The following SIPA1L1 variants were observed in gnomAD, a reference collection of about 807,000 sequenced individuals.
SIPA1L1 encodes the protein signal induced proliferation associated 1 like 1, also known as signal-induced proliferation-associated 1-like protein 1.
SIPA1L1 carries 26 observed loss-of-function variants against 162.7 expected under a neutral mutation model. That is an observed-to-expected ratio of 0.16 (90% CI 0.12 to 0.22). The LOEUF (loss-of-function observed/expected upper bound fraction) is 0.22, where lower values mean the gene tolerates loss of function less well. SIPA1L1 is among the 10% of genes least tolerant of loss of function. The probability of loss-of-function intolerance (pLI) is 1.00; values close to 1 mark genes in which losing one functional copy is unlikely to be tolerated. For synonymous variants in SIPA1L1, 829 were observed against 837.4 expected, an observed-to-expected ratio of 0.99 and a Z score of 0.17; for missense variants, 1,874 against 2,241.0, an observed-to-expected ratio of 0.84 and a Z score of 3.31.
chr14:71,705,355 A>C lies in SIPA1L1; in HGVS notation c.3765+15A>C. On this transcript the variant is annotated intron_variant, in intron 16 of 23. Transcript: ENST00000381232. ...AACAAGGGCATGTAAGTTAACTGTA[A>C]ACTTAAAAAAGTATTAGATTCCTAG... is the stretch of plus-strand genomic sequence containing the variant. 2 of 1,571,402 alleles carry C rather than the reference A, an allele frequency of 1.3e-6. No homozygotes were observed. The highest frequency in any genetic ancestry group is 1.8e-6 in the Non-Finnish European group (2 of 1,141,168).
intron 8 of SIPA1L1, among the ~76,000 whole-genome samples, chr14:71,655,244 A>G (rs2042961104): frequency 6.6e-6 from 1 of 152,108 alleles, no homozygotes; most frequent in Admixed American, 6.5e-5. Flanking sequence ...TTTCTGCGTT[A>G]ATTCACTTAG....
At chr14:71,684,213 C>A (rs1451188911) in intron 12 of SIPA1L1, among the ~76,000 whole-genome samples, 1 of 152,158 alleles carries the variant, frequency 6.6e-6, no homozygotes, top group Non-Finnish European at 1.5e-5. Flanking sequence ...GTGGCACTTT[C>A]CAACAACAAA....
chr14:71,419,804 A>ATC (rs2043059679), intron 2 of SIPA1L1, among the ~76,000 whole-genome samples: 1 of 151,908 alleles, frequency 6.6e-6, no homozygotes, highest in African/African-American at 2.4e-5. Context: ...GCCAAGGAGG[A>ATC]TCTCTTGAGG....
rs374551655 is a variant in SIPA1L1 at position 71,690,619 on chromosome 14, CCTT to C, written c.3374+4993_3374+4995del. On this transcript the variant is annotated intron_variant, in intron 13 of 23. Coordinates refer to ENST00000381232, the MANE Select transcript of SIPA1L1 (RefSeq NM_001386936.1). ...TATTTGATACCATTCACTACTCCCT[CCTT>C]CTTCAAATTACATTTCCTTGTCTTC... 5.8e-3 allele frequency among the ~76,000 whole-genome samples: 878 copies of C among 152,290 alleles called. 14 individuals are homozygous for C. Among genetic ancestry groups the C allele is most frequent in the African/African-American group, 0.02 (824 of 41,550 alleles).
chr14:71,560,296 C>T (rs1036870320), intron 4 of SIPA1L1, among the ~76,000 whole-genome samples: 3 of 152,184 alleles, frequency 2.0e-5, no homozygotes, highest in African/African-American at 4.8e-5. Context: ...AAAGTAGCCC[C>T]AGAAATCAAC....
chr14:71,412,502 C>G (rs1263983482), intron 2 of SIPA1L1, among the ~76,000 whole-genome samples: 1 of 152,118 alleles, frequency 6.6e-6, no homozygotes, highest in Non-Finnish European at 1.5e-5. Context: ...CGGGGTCTTA[C>G]CGAGCTCTGT....
At chr14:71,367,280 A>C (rs2140952914) in intron 2 of SIPA1L1, among the ~76,000 whole-genome samples, 1 of 151,894 alleles carries the variant, frequency 6.6e-6, no homozygotes, top group African/African-American at 2.4e-5. Flanking sequence ...CACTTTTATA[A>C]AAAAGCTAAT....
At chr14:71,459,318 G>T (rs968349051) in intron 2 of SIPA1L1, among the ~76,000 whole-genome samples, 1 of 152,100 alleles carries the variant, frequency 6.6e-6, no homozygotes, top group Non-Finnish European at 1.5e-5. Flanking sequence ...GTTGAAATAG[G>T]TAACACGACG....
chr14:71,395,901 A>G (rs1033358959), intron 2 of SIPA1L1, among the ~76,000 whole-genome samples: 4 of 152,236 alleles, frequency 2.6e-5, no homozygotes, highest in East Asian at 1.9e-4. Flanking sequence ...ATTAGTCTAC[A>G]TATTTCAGCC....
chr14:71,561,673 C>T (rs1046832714), intron 4 of SIPA1L1, among the ~76,000 whole-genome samples: 2 of 152,158 alleles, frequency 1.3e-5, no homozygotes, highest in Admixed American at 6.5e-5. Context: ...CTGCAAACTC[C>T]TCCTCCTGGG....
chr14:71,702,258 C>T, intron 14 of SIPA1L1, 123 bp from the exon 15 acceptor site: 1 of 1,004,310 alleles, frequency 1.0e-6, no homozygotes, highest in Non-Finnish European at 1.5e-6. Context: ...TATACAAGTA[C>T]AGACACATAA....
intron 17 of SIPA1L1, among the ~76,000 whole-genome samples, chr14:71,710,074 G>C (rs921542631): frequency 6.6e-6 from 1 of 152,188 alleles, no homozygotes; most frequent in Non-Finnish European, 1.5e-5. Context: ...CTGAGTAACA[G>C]AGCATCGTTT....
At chr14:71,449,595 A>G (rs2045663617) in intron 2 of SIPA1L1, among the ~76,000 whole-genome samples, 1 of 152,218 alleles carries the variant, frequency 6.6e-6, no homozygotes. Flanking sequence ...TTAATAGAAA[A>G]TCAGGAAATA....
chr14:71,459,997 C>G (rs1167568218), intron 2 of SIPA1L1, among the ~76,000 whole-genome samples: 2 of 152,148 alleles, frequency 1.3e-5, no homozygotes, highest in Non-Finnish European at 2.9e-5. Context: ...GTACCAATCC[C>G]CAACCCAAAT....
chr14:71,711,956 G>T (rs556233517), intron 17 of SIPA1L1, among the ~76,000 whole-genome samples: 1 of 152,300 alleles, frequency 6.6e-6, no homozygotes, highest in South Asian at 2.1e-4. Flanking sequence ...TGAGACTTTG[G>T]TATGTTGATC....
At chr14:71,432,005 G>T (rs1336979645) in intron 2 of SIPA1L1, among the ~76,000 whole-genome samples, 1 of 151,988 alleles carries the variant, frequency 6.6e-6, no homozygotes, top group East Asian at 1.9e-4. Context: ...TGATTAAATG[G>T]TAATCAGTTG....
rs761756006 is a variant in SIPA1L1 at position 71,672,343 on chromosome 14, T to C, written c.2830-5T>C. On this transcript the variant is annotated splice_region_variant and splice_polypyrimidine_tract_variant and intron_variant, in intron 11 of 23. Transcript: ENST00000381232. The stretch of plus-strand genomic sequence containing the variant: ...AACCACAGTATCTTTTATTTCCTTG[T>C]CTAGTTTGTTTCAAAAGGCTGTGAA... The C allele has an allele frequency of 5.6e-6, 9 of 1,613,712 alleles. No individual in the cohort carries two copies. In the East Asian group the frequency reaches 1.8e-4, roughly 32 times the overall value.
intron 2 of SIPA1L1, among the ~76,000 whole-genome samples, chr14:71,327,080 CTTT>C (rs532549428): frequency 1.6e-5 from 2 of 127,702 alleles, no homozygotes; most frequent in Admixed American, 8.0e-5. Flanking sequence ...TGATTGAAAT[CTTT>C]TTTTTTTTTT....
At chr14:71,441,336 G>T (rs1046112291) in intron 2 of SIPA1L1, among the ~76,000 whole-genome samples, 1 of 152,144 alleles carries the variant, frequency 6.6e-6, no homozygotes, top group Non-Finnish European at 1.5e-5. Context: ...ATCTGGTGTG[G>T]CCTTCCCTAG....
Sources: allele counts gnomAD v4.1 joint callset (sites outside exome capture counted in the v4.1 genomes callset), GRCh38; gene constraint gnomAD v4.1.1; transcripts MANE v1.5; gene names NCBI Gene and HGNC (gene_info 2026-07-23, HGNC 2026-07-21).